DLGAP2: variants seen among roughly 807,000 people sequenced by gnomAD.
The protein encoded by DLGAP2 is DLG associated protein 2, also known as disks large-associated protein 2.
A neutral mutation model predicts 100.3 loss-of-function variants in DLGAP2; 26 were observed. The ratio of observed to expected loss-of-function variants is 0.26; its 90% confidence interval spans 0.19 to 0.36. The LOEUF is 0.36. Ranked by LOEUF, DLGAP2 falls within the 10% of genes least tolerant of loss-of-function variation. The pLI, the probability that DLGAP2 is intolerant of heterozygous loss-of-function variation, is 1.00. For synonymous variants in DLGAP2, 886 were observed against 630.1 expected, an observed-to-expected ratio of 1.41 and a Z score of -6.08; for missense variants, 1,858 against 1,453.2, an observed-to-expected ratio of 1.28 and a Z score of -4.53.
intron 2 of DLGAP2, among the ~76,000 whole-genome samples, chr8:932,142 G>A (rs887669697): frequency 9.9e-5 from 15 of 152,226 alleles, no homozygotes; most frequent in African/African-American, 3.4e-4. Context: ...TGATGTTTTT[G>A]TCGACAAACC....
chr8:1,474,642 C>T (rs547149405), intron 3 of DLGAP2, among the ~76,000 whole-genome samples: 1 of 152,300 alleles, frequency 6.6e-6, no homozygotes, highest in East Asian at 1.9e-4. Flanking sequence ...CATCAGTAAT[C>T]ATCTGAGAAA....
At position 1,548,762 on chromosome 8, in the gene DLGAP2, C is replaced by A. The variant is rs370330095; in HGVS notation, c.309C>A (p.Pro103=). 4.2e-5 allele frequency: 67 copies of A among 1,600,822 alleles called. No individual in the cohort carries two copies. The African/African-American group carries it at 8.8e-4, about 21-fold the overall frequency. The part of the protein sequence containing the change: ...LCSGHTCGLA[P]PEDCEHLHHG... ...CCGGGCACACGTGTGGTCTGGCGCCCCCGGAGGACTGCGAGCACCTGCACC... is the reference window on the plus strand; with the variant it reads ...CCGGGCACACGTGTGGTCTGGCGCCACCGGAGGACTGCGAGCACCTGCACC... The change falls in exon 5 of 15, where the codon CCC becomes CCA. Residue 103 remains proline, a synonymous_variant. Transcript: ENST00000637795.
At chr8:1,202,174 CTG>C (rs555683790) in intron 2 of DLGAP2, among the ~76,000 whole-genome samples, 5 of 151,644 alleles carry the variant, frequency 3.3e-5, no homozygotes, top group Admixed American at 2.6e-4. Flanking sequence ...ATCTGTGTAT[CTG>C]TGTGCGTGTG....
chr8:1,462,800 C>T (rs530201863), intron 3 of DLGAP2, among the ~76,000 whole-genome samples: 9 of 152,344 alleles, frequency 5.9e-5, no homozygotes, highest in South Asian at 4.1e-4. Flanking sequence ...CCGTGAGATA[C>T]AGCAGCCCTC....
chr8:1,191,242 G>C (rs1036480380), intron 2 of DLGAP2, among the ~76,000 whole-genome samples: 1 of 56,494 alleles, frequency 1.8e-5, no homozygotes, highest in Non-Finnish European at 5.0e-5. Flanking sequence ...CGCGATCTCG[G>C]CTCACTGCAG....
chr8:1,142,147 C>T (rs951927648), intron 2 of DLGAP2, among the ~76,000 whole-genome samples: 2 of 151,512 alleles, frequency 1.3e-5, no homozygotes, highest in Non-Finnish European at 2.9e-5. Context: ...AGTAAATTTG[C>T]ATTTTATTTA....
intron 3 of DLGAP2, among the ~76,000 whole-genome samples, chr8:1,415,764 C>G (rs547893081): frequency 1.3e-5 from 2 of 152,294 alleles, no homozygotes; most frequent in African/African-American, 4.8e-5. Flanking sequence ...ACCTTGTGAA[C>G]CATGCTGCAG....
At chr8:1,050,305 C>T (rs559045596) in intron 2 of DLGAP2, among the ~76,000 whole-genome samples, 54 of 152,326 alleles carry the variant, frequency 3.5e-4, no homozygotes, top group South Asian at 1.0e-3. Context: ...GAATGCCATA[C>T]GAGTGCCCCT....
At chr8:1,503,564 C>T (rs1799798355) in intron 4 of DLGAP2, among the ~76,000 whole-genome samples, 1 of 152,072 alleles carries the variant, frequency 6.6e-6, no homozygotes, top group Non-Finnish European at 1.5e-5. Context: ...GTGAATGGTA[C>T]TGCTGTGAAC....
At chr8:1,621,979 T>C (rs1228118806) in intron 6 of DLGAP2, 2 of 152,184 alleles carry the variant, frequency 1.3e-5, no homozygotes, top group Non-Finnish European at 2.9e-5. Context: ...CAAGAACACT[T>C]TTTACCCTGA....
intron 2 of DLGAP2, among the ~76,000 whole-genome samples, chr8:1,056,425 T>A (rs1250355401): frequency 6.6e-6 from 1 of 152,248 alleles, no homozygotes; most frequent in Non-Finnish European, 1.5e-5. Flanking sequence ...CTAGTTTGCT[T>A]ATTTACATGT....
At chr8:1,670,215 G>A (rs1409911167) in intron 10 of DLGAP2, among the ~76,000 whole-genome samples, 1 of 152,142 alleles carries the variant, frequency 6.6e-6, no homozygotes, top group Admixed American at 6.5e-5. Context: ...TTCTAAGCAC[G>A]TGCAGTACCG....
intron 2 of DLGAP2, among the ~76,000 whole-genome samples, chr8:1,066,530 G>C (rs1803258745): frequency 6.7e-6 from 1 of 150,286 alleles, no homozygotes; most frequent in Non-Finnish European, 1.5e-5. Flanking sequence ...CCACGGTCAG[G>C]TCTGAGTGAG....
At chr8:788,986 GTC>G (rs954635333) in intron 1 of DLGAP2, among the ~76,000 whole-genome samples, 4 of 152,156 alleles carry the variant, frequency 2.6e-5, no homozygotes, top group African/African-American at 9.6e-5. Context: ...TTTGCCACCC[GTC>G]TCTCTTCTGT....
intron 3 of DLGAP2, among the ~76,000 whole-genome samples, chr8:1,449,448 G>A (rs944217203): frequency 2.6e-5 from 4 of 152,236 alleles, no homozygotes; most frequent in East Asian, 1.9e-4. Context: ...AGAGCTCAGC[G>A]TTTTGGGAAG....
In DLGAP2 at chr8:969,222, C is replaced by T. The variant is rs1375087235; in HGVS notation, c.73+61256C>T. Among the ~76,000 whole-genome samples, 4 of 152,214 alleles carry T rather than the reference C, an allele frequency of 2.6e-5. No homozygotes were observed. In the East Asian group the frequency reaches 7.7e-4, roughly 29 times the overall value. Reference sequence around the variant, plus strand: ...ACCAAGTCTGAGAGAATTCCTGCTTCATGGCCTCCGATGTCAGCTCTTCCT... The same window carrying T: ...ACCAAGTCTGAGAGAATTCCTGCTTTATGGCCTCCGATGTCAGCTCTTCCT... On this transcript the variant is annotated intron_variant, in intron 2 of 14. Coordinates refer to ENST00000637795, the MANE Select transcript of DLGAP2 (RefSeq NM_001346810.2).
In DLGAP2 at chr8:1,170,281, T is replaced by G. The variant is rs1400798308; in HGVS notation, c.74-88570T>G. ...TTTTTGATGTGCTGCTGGATTCGTTTTGCCAGTATTTTATTGAGGATTTTT... is the reference window on the plus strand; with the variant it reads ...TTTTTGATGTGCTGCTGGATTCGTTGTGCCAGTATTTTATTGAGGATTTTT... On this transcript the variant is annotated intron_variant, in intron 2 of 14. Coordinates refer to ENST00000637795, the MANE Select transcript of DLGAP2 (RefSeq NM_001346810.2). Among the ~76,000 whole-genome samples, 15 of 152,300 alleles carry G rather than the reference T, an allele frequency of 9.8e-5. No homozygotes were observed. The East Asian group carries it at 1.5e-3, about 16-fold the overall frequency.
At chr8:861,090 G>A (rs1435373994) in intron 1 of DLGAP2, among the ~76,000 whole-genome samples, 2 of 152,158 alleles carry the variant, frequency 1.3e-5, no homozygotes, top group Non-Finnish European at 2.9e-5. Context: ...GTGGGGCAGT[G>A]AGGTGGGAGG....
chr8:806,488 G>C lies in DLGAP2; in HGVS notation c.18+68663G>C, dbSNP rs1585884515. ...AATCCTGGGAAGTATGGAGAGGTAGGGCTCCCCAAAGGGAGACTGAGGCAA... is the reference window on the plus strand; with the variant it reads ...AATCCTGGGAAGTATGGAGAGGTAGCGCTCCCCAAAGGGAGACTGAGGCAA... On this transcript the variant is annotated intron_variant, in intron 1 of 14. Transcript: ENST00000637795. Among the ~76,000 whole-genome samples, 5 of 152,166 alleles carry C rather than the reference G, an allele frequency of 3.3e-5. No homozygotes were observed. In the East Asian group the frequency reaches 7.7e-4, roughly 23 times the overall value.
Sources: allele counts gnomAD v4.1 joint callset (sites outside exome capture counted in the v4.1 genomes callset), GRCh38; gene constraint gnomAD v4.1.1; transcripts MANE v1.5; gene names NCBI Gene and HGNC (gene_info 2026-07-23, HGNC 2026-07-21).